Variants in DDX17 observed in about 807,000 individuals in gnomAD.
The protein encoded by DDX17 is probable ATP-dependent RNA helicase DDX17.
A neutral mutation model predicts 80.8 loss-of-function variants in DDX17; 10 were observed. That is an observed-to-expected ratio of 0.12 (90% CI 0.08 to 0.21). The LOEUF (loss-of-function observed/expected upper bound fraction) is 0.21, where lower values mean the gene tolerates loss of function less well. Among genes scored for constraint, DDX17 ranks in the 10% least tolerant of loss-of-function variants. DDX17 has a pLI of 1.00. For synonymous variants in DDX17, 339 were observed against 336.2 expected (o/e 1.01, Z -0.09); for missense variants, 586 against 957.4 (o/e 0.61, Z 5.12).
chr22:38,495,972 C>T, intron 5 of DDX17, 35 bp from the exon 6 acceptor site: 1 of 927,688 alleles, frequency 1.1e-6, no homozygotes, highest in Non-Finnish European at 1.4e-6. Flanking sequence ...AGACCTCATC[C>T]AAGGTTTAAA....
Position 38,484,200 on chromosome 22 carries a change from T to G in DDX17, c.*1735A>C, listed in dbSNP as rs2089631058. 4.0e-5 allele frequency: 6 copies of G among 149,440 alleles called. No homozygotes were observed. Among genetic ancestry groups the G allele is most frequent in the Admixed American group, 4.0e-4 (6 of 14,952 alleles). 9.3% of individuals were successfully genotyped at this position (149,440 alleles called of 1,614,324 possible). ...AAAGCACAGAGCAGTTTGCCATGTT[T>G]CTTCTGTGCCTACCATTCTCCCTTG... On this transcript the variant is annotated 3_prime_UTR_variant, in exon 13 of 13. Coordinates refer to ENST00000403230, the MANE Select transcript of DDX17 (RefSeq NM_006386.5).
Position 38,486,109 on chromosome 22 carries a change from T to G in DDX17, c.2016A>C (p.Ser672=). Residue 672 remains serine, a synonymous_variant, in exon 13 of 13, where the codon TCA becomes TCC. Coordinates refer to ENST00000403230, the MANE Select transcript of DDX17 (RefSeq NM_006386.5). ...CACTAAACTGCTGGCTAGAGCTCTG[T>G]GAACTTCTCCCAGTTGAGGTGGTGC... 8.7e-6 allele frequency: 14 copies of G among 1,614,186 alleles called. No homozygotes were observed. The highest frequency in any genetic ancestry group is 1.2e-5 in the Non-Finnish European group (14 of 1,180,042).
At chr22:38,491,889 G>T in intron 11 of DDX17, 167 bp downstream of exon 11, 1 of 466,760 alleles carries the variant, frequency 2.1e-6, no homozygotes. Flanking sequence ...AAAAATTGTG[G>T]GGGGGGCAGG....
chr22:38,489,998 G>A lies in DDX17; in HGVS notation c.1448-1883C>T, dbSNP rs892083837. On this transcript the variant is annotated intron_variant, in intron 11 of 12. Coordinates refer to ENST00000403230, the MANE Select transcript of DDX17 (RefSeq NM_006386.5). This position sits in a 1 kb window ranked among gnomAD's most constrained non-coding sequence, Gnocchi z 4.6. ...TCCTAGCAGAAAGCACCAGGGTGGAGTCAACAGTTCACATGCTAATACTTG... is the reference window on the plus strand; with the variant it reads ...TCCTAGCAGAAAGCACCAGGGTGGAATCAACAGTTCACATGCTAATACTTG... 1.7e-5 allele frequency: 17 copies of A among 1,021,418 alleles called. No individual in the cohort carries two copies. The African/African-American group carries it at 2.8e-4, about 17-fold the overall frequency. 63.3% of individuals were successfully genotyped at this position (1,021,418 alleles called of 1,614,324 possible).
At position 38,498,588 on chromosome 22, in the gene DDX17, T is replaced by C. The variant is rs765912069; in HGVS notation, c.539-15A>G. ...CATTACATATTCTGTAAGAGAATTTTATTTTGCGTATTTTATTGTGTTTAA... is the reference window on the plus strand; with the variant it reads ...CATTACATATTCTGTAAGAGAATTTCATTTTGCGTATTTTATTGTGTTTAA... On this transcript the variant is annotated splice_polypyrimidine_tract_variant and intron_variant, in intron 3 of 12. Transcript: ENST00000403230. 4 of 1,612,800 alleles carry C rather than the reference T, an allele frequency of 2.5e-6. No homozygotes were observed. The highest frequency in any genetic ancestry group is 2.5e-6 in the Non-Finnish European group (3 of 1,178,920).
rs1045392826 is a variant in DDX17, at chr22:38,484,151, G to A, written c.*1784C>T. The stretch of plus-strand genomic sequence containing the variant: ...CTGGCCAGTGCTTAGACAAATTTGG[G>A]GTTGGGGGGAACACTTTGGTTTGAA... On this transcript the variant is annotated 3_prime_UTR_variant, in exon 13 of 13. Transcript: ENST00000403230. 2.0e-5 allele frequency: 3 copies of A among 152,358 alleles called. No homozygotes were observed. The highest frequency in any genetic ancestry group is 2.0e-4 in the Admixed American group (3 of 15,236). 9.4% of individuals were successfully genotyped at this position (152,358 alleles called of 1,614,324 possible).
intron 12 of DDX17, among the ~76,000 whole-genome samples, chr22:38,486,662 C>T (rs1052382546): frequency 1.3e-5 from 2 of 152,140 alleles, no homozygotes; most frequent in African/African-American, 4.8e-5. Flanking sequence ...GACCTTTTCA[C>T]CCTTTTAGGC....
chr22:38,501,838 T>C (rs1321296438), intron 1 of DDX17, among the ~76,000 whole-genome samples: 2 of 152,248 alleles, frequency 1.3e-5, no homozygotes, highest in Non-Finnish European at 2.9e-5. Flanking sequence ...GAAGTGGTGC[T>C]GTGCTGGAGT....
rs767955723 is a variant in DDX17, at chr22:38,485,274, A to T, written c.*661T>A. 6.6e-6 allele frequency: 1 copy of T among 152,206 alleles called. No individual in the cohort carries two copies. The highest frequency in any genetic ancestry group is 2.4e-5 in the African/African-American group (1 of 41,442). 9.4% of individuals were successfully genotyped at this position (152,206 alleles called of 1,614,324 possible). ...ATTCAATTTCTAGCCTGACACTAAA[A>T]TGGTTATTTTTCAGTAACGGGGGGA... is the stretch of plus-strand genomic sequence containing the variant. On this transcript the variant is annotated 3_prime_UTR_variant, in exon 13 of 13. Coordinates refer to ENST00000403230, the MANE Select transcript of DDX17 (RefSeq NM_006386.5).
chr22:38,489,403 T>C lies in DDX17; in HGVS notation c.1448-1288A>G. 2 of 985,790 alleles carry C rather than the reference T, an allele frequency of 2.0e-6. No individual in the cohort carries two copies. The highest frequency in any genetic ancestry group is 1.2e-6 in the Non-Finnish European group (1 of 829,932). 61.1% of individuals were successfully genotyped at this position (985,790 alleles called of 1,614,324 possible). A position where few individuals can be genotyped will look rare whatever the true frequency, so the allele number is the denominator to read the frequency against. On this transcript the variant is annotated intron_variant, in intron 11 of 12. Coordinates refer to ENST00000403230, the MANE Select transcript of DDX17 (RefSeq NM_006386.5). The surrounding 1 kb of genome is among the most constrained non-coding windows in gnomAD (Gnocchi z 4.6). ...GAAGTCCCCACACACGCTCGCTCTGTGAACTGGCTTAGATGCTTCTCTGTA... is the reference window on the plus strand; with the variant it reads ...GAAGTCCCCACACACGCTCGCTCTGCGAACTGGCTTAGATGCTTCTCTGTA...
In DDX17 at chr22:38,506,214, C is replaced by G; in HGVS notation, c.24G>C (p.Pro8=). 6.2e-7 allele frequency: 1 copy of G among 1,606,850 alleles called. No homozygotes were observed. The highest frequency in any genetic ancestry group is 2.3e-5 in the East Asian group (1 of 44,368). The change falls in exon 1 of 13, where the codon CCG becomes CCC. Residue 8 remains proline, a synonymous_variant. Coordinates refer to ENST00000403230, the MANE Select transcript of DDX17 (RefSeq NM_006386.5). ...GAGACGGGAGCAAAACACAGAGAAT[C>G]GGGGCTACAAAGCCGGTGGGCAGGT... is the stretch of plus-strand genomic sequence containing the variant.
chr22:38,490,716 G>A, intron 11 of DDX17: 1 of 227,908 alleles, frequency 4.4e-6, no homozygotes, highest in Non-Finnish European at 9.0e-6. Context: ...GTAGGACATT[G>A]GTCAGAATTC....
intron 1 of DDX17, among the ~76,000 whole-genome samples, chr22:38,504,030 T>C (rs1357975182): frequency 2.0e-5 from 3 of 152,214 alleles, no homozygotes; most frequent in Non-Finnish European, 4.4e-5. Flanking sequence ...TTAAAGCATA[T>C]ATATGGTGAA....
At chr22:38,493,273 C>G (rs186226837) in intron 10 of DDX17, 85 of 155,142 alleles carry the variant, frequency 5.5e-4, no homozygotes, top group Non-Finnish European at 1.3e-4. Context: ...GTCTCCTAGA[C>G]TCAAGCAATC....
At chr22:38,495,979 TA>T (rs201173235) in intron 5 of DDX17, 42 bp from the exon 6 acceptor site, 67,846 of 792,152 alleles carry the variant, frequency 0.086, 1 homozygote, top group East Asian at 0.12. Context: ...ATCCAAGGTT[TA>T]AAAAAAAAAA....
chr22:38,502,750 T>C (rs1257960249), intron 1 of DDX17, among the ~76,000 whole-genome samples: 1 of 152,178 alleles, frequency 6.6e-6, no homozygotes, highest in East Asian at 1.9e-4. Flanking sequence ...AAAGTACAGG[T>C]CTTTGTTTGG....
chr22:38,501,331 C>T (rs376489677), intron 1 of DDX17, 51 bp from the exon 2 acceptor site: 75 of 1,560,686 alleles, frequency 4.8e-5, no homozygotes, highest in African/African-American at 2.1e-4. Context: ...AGCAACGTAT[C>T]GTACATGCCA....
chr22:38,499,649 C>T (rs998194085), intron 2 of DDX17, 150 bp from the exon 3 acceptor site: 10 of 624,614 alleles, frequency 1.6e-5, no homozygotes, highest in Admixed American at 8.5e-5. Context: ...ATCACTTTAA[C>T]TCTGCAAGGC....
intron 5 of DDX17, 130 bp downstream of exon 5, chr22:38,497,955 G>T: frequency 2.5e-6 from 2 of 785,134 alleles, no homozygotes; most frequent in Non-Finnish European, 4.1e-6. Context: ...CAAGTAAGAT[G>T]AGAATGAAAC....
Sources: allele counts gnomAD v4.1 joint callset (sites outside exome capture counted in the v4.1 genomes callset), GRCh38; gene constraint gnomAD v4.1.1; non-coding constraint Gnocchi (gnomAD v3.1); transcripts MANE v1.5; gene names NCBI Gene and HGNC (gene_info 2026-07-23, HGNC 2026-07-21).